The following WSCD2 variants were observed in gnomAD, a reference collection of about 807,000 sequenced individuals.
The protein encoded by WSCD2 is WSC domain sialate O sulfotransferase 2.
A neutral mutation model predicts 55.7 loss-of-function variants in WSCD2; 28 were observed. The ratio of observed to expected loss-of-function variants is 0.50; its 90% CI spans 0.37 to 0.69. The LOEUF (loss-of-function observed/expected upper bound fraction) is 0.69. Among genes scored for constraint, WSCD2 ranks in the 30% least tolerant of loss-of-function variants. WSCD2 has a pLI of 0.00. For missense variants in WSCD2, 616 were observed against 762.1 expected (o/e 0.81, Z 2.26); for synonymous variants, 301 against 301.9 (o/e 1.00, Z 0.03).
chr12:108,158,689 G>C (rs989698792), intron 1 of WSCD2, among the ~76,000 whole-genome samples: 13 of 152,090 alleles, frequency 8.5e-5, no homozygotes, highest in Admixed American at 8.5e-4. Context: ...GGGACTTCCA[G>C]GTCTCCTGTC....
At chr12:108,221,249 C>A (rs1300951266) in intron 4 of WSCD2, among the ~76,000 whole-genome samples, 1 of 152,054 alleles carries the variant, frequency 6.6e-6, no homozygotes, top group South Asian at 2.1e-4. Flanking sequence ...TGCCATAAAT[C>A]TTTAGCTCAA....
At chr12:108,217,148 C>A (rs1359704412) in intron 4 of WSCD2, among the ~76,000 whole-genome samples, 1 of 152,206 alleles carries the variant, frequency 6.6e-6, no homozygotes, top group Non-Finnish European at 1.5e-5. Context: ...TGAGGCTCAG[C>A]AAAGTGAAGA....
intron 1 of WSCD2, among the ~76,000 whole-genome samples, chr12:108,166,748 C>CTT (rs1879654533): frequency 2.1e-5 from 1 of 48,070 alleles, no homozygotes; most frequent in Non-Finnish European, 5.8e-5. Context: ...TTCTTTCCTT[C>CTT]TTTCTTTCTT....
At chr12:108,206,899 A>C (rs1241382177) in intron 3 of WSCD2, among the ~76,000 whole-genome samples, 1 of 152,264 alleles carries the variant, frequency 6.6e-6, no homozygotes, top group Non-Finnish European at 1.5e-5. Context: ...TTAGATGTGC[A>C]TGTGCATGCA....
intron 4 of WSCD2, among the ~76,000 whole-genome samples, chr12:108,211,650 T>TATATATATATAC (rs1491203752): frequency 1.6e-5 from 2 of 124,670 alleles, no homozygotes; most frequent in African/African-American, 2.8e-5. Context: ...TATATATATA[T>TATATATATATAC]ACATATATAT....
At chr12:108,202,934 G>A (rs376132566) in intron 2 of WSCD2, among the ~76,000 whole-genome samples, 3 of 152,188 alleles carry the variant, frequency 2.0e-5, no homozygotes, top group Admixed American at 6.5e-5. Context: ...TTCTCCCAAC[G>A]AACCACCCCA....
At chr12:108,142,982 TA>T (rs1178257165) in intron 1 of WSCD2, among the ~76,000 whole-genome samples, 4 of 152,158 alleles carry the variant, frequency 2.6e-5, no homozygotes, top group Non-Finnish European at 5.9e-5. Flanking sequence ...GGCTAATTTT[TA>T]AAAAAATTTT....
chr12:108,238,956 G>A (rs1461833605), intron 7 of WSCD2, among the ~76,000 whole-genome samples: 1 of 152,186 alleles, frequency 6.6e-6, no homozygotes, highest in African/African-American at 2.4e-5. Context: ...TCATAGAATT[G>A]TTGAGAGGAT....
intron 6 of WSCD2, among the ~76,000 whole-genome samples, chr12:108,231,782 A>C (rs551837886): frequency 6.6e-6 from 1 of 152,360 alleles, no homozygotes; most frequent in South Asian, 2.1e-4. Flanking sequence ...TTCTGACCAC[A>C]CGACTAATTG....
chr12:108,214,073 G>T (rs750929889), intron 4 of WSCD2, among the ~76,000 whole-genome samples: 1 of 152,180 alleles, frequency 6.6e-6, no homozygotes, highest in Non-Finnish European at 1.5e-5. Context: ...CAAGTCACTG[G>T]CACACAACTC....
chr12:108,167,561 A>C (rs2136958754), intron 1 of WSCD2: 1 of 152,334 alleles, frequency 6.6e-6, no homozygotes, highest in African/African-American at 2.4e-5. Flanking sequence ...AGACATCAAA[A>C]TTCGCAAGGG....
At chr12:108,153,451 G>A (rs1300148630) in intron 1 of WSCD2, among the ~76,000 whole-genome samples, 1 of 152,182 alleles carries the variant, frequency 6.6e-6, no homozygotes, top group Admixed American at 6.5e-5. Context: ...GATGGCACTT[G>A]TCTGTGCTGC....
intron 2 of WSCD2, among the ~76,000 whole-genome samples, chr12:108,206,079 C>T (rs1051016284): frequency 7.2e-5 from 11 of 152,224 alleles, no homozygotes; most frequent in South Asian, 2.1e-4. Flanking sequence ...CCACAGAAGG[C>T]TTCACTCCTC....
rs902762646 is a variant in WSCD2, at chr12:108,248,527, G to A, written c.*184G>A. ...AGGCTCAAGGGAAGAGATTGCCCAG[G>A]CACTACCACTCTGCTCACATGTTCC... On this transcript the variant is annotated 3_prime_UTR_variant, in exon 9 of 9. Transcript: ENST00000547525. The surrounding 1 kb of genome is among the most constrained non-coding windows in gnomAD (Gnocchi z 4.3). 3 of 1,417,192 alleles carry A rather than the reference G, an allele frequency of 2.1e-6. No homozygotes were observed. Among genetic ancestry groups the A allele is most frequent in the East Asian group, 2.5e-5 (1 of 39,226 alleles). The allele number at this position is 1,417,192 out of a possible 1,614,324, so 87.8% of individuals were successfully genotyped here.
intron 1 of WSCD2, among the ~76,000 whole-genome samples, chr12:108,157,630 C>T (rs1878652884): frequency 6.6e-6 from 1 of 152,186 alleles, no homozygotes; most frequent in African/African-American, 2.4e-5. Context: ...TCCAAAGTCT[C>T]TTAAAAATGT....
intron 4 of WSCD2, among the ~76,000 whole-genome samples, chr12:108,214,117 G>A (rs544320320): frequency 6.6e-4 from 101 of 152,320 alleles, no homozygotes; most frequent in African/African-American, 2.1e-3. Flanking sequence ...AGAAATGAGC[G>A]AACACTCCAG....
At chr12:108,228,940 T>A (rs1287543374) in intron 6 of WSCD2, among the ~76,000 whole-genome samples, 1 of 152,200 alleles carries the variant, frequency 6.6e-6, no homozygotes, top group African/African-American at 2.4e-5. Flanking sequence ...TGCCTTAGCC[T>A]GCAGGGGAAA....
At chr12:108,167,092 A>G (rs1011587939) in intron 1 of WSCD2, among the ~76,000 whole-genome samples, 5 of 152,052 alleles carry the variant, frequency 3.3e-5, no homozygotes, top group African/African-American at 1.2e-4. Context: ...GATTATAGGC[A>G]TGAGCCACAG....
At chr12:108,182,190 C>T (rs1041011315) in intron 1 of WSCD2, among the ~76,000 whole-genome samples, 3 of 152,142 alleles carry the variant, frequency 2.0e-5, no homozygotes, top group Admixed American at 1.3e-4. Flanking sequence ...GTTGTGTTTC[C>T]ATCCATCTGT....
Sources: gnomAD v4.1 joint callset for allele counts (sites outside exome capture counted in the v4.1 genomes callset) on GRCh38, gnomAD v4.1.1 for gene constraint, Gnocchi (gnomAD v3.1) non-coding constraint, MANE v1.5 for transcripts, NCBI Gene and HGNC (gene_info 2026-07-23, HGNC 2026-07-21) for gene names.